Variants in CACNA2D2 observed in about 807,000 individuals in gnomAD.
CACNA2D2 encodes calcium voltage-gated channel auxiliary subunit alpha2delta 2.
A neutral mutation model predicts 166.4 loss-of-function variants in CACNA2D2; 48 were observed. The ratio of observed to expected loss-of-function variants is 0.29; its 90% CI spans 0.23 to 0.37. CACNA2D2 has a LOEUF of 0.37. CACNA2D2 is among the 10% of genes least tolerant of loss of function. CACNA2D2 has a pLI of 1.00. For missense variants in CACNA2D2, 1,122 were observed against 1,433.0 expected, an observed-to-expected ratio of 0.78 and a Z score of 3.50; for synonymous variants, 561 against 573.7, an observed-to-expected ratio of 0.98 and a Z score of 0.32.
chr3:50,466,845 G>A (rs1709846440), intron 2 of CACNA2D2, among the ~76,000 whole-genome samples: 1 of 152,236 alleles, frequency 6.6e-6, no homozygotes, highest in Non-Finnish European at 1.5e-5. Flanking sequence ...GGGCCTGCCA[G>A]AGATTCCTGA....
Position 50,466,269 on chromosome 3 carries a change from C to T in CACNA2D2, c.288+9849G>A, listed in dbSNP as rs112543812. Among the ~76,000 whole-genome samples, 6 of 141,916 alleles carry T rather than the reference C, an allele frequency of 4.2e-5. No individual in the cohort carries two copies. In the South Asian group the frequency reaches 6.4e-4, roughly 15 times the overall value. 93.1% of individuals were successfully genotyped at this position (141,916 alleles called of 152,430 possible). On this transcript the variant is annotated intron_variant, in intron 2 of 37. Coordinates refer to ENST00000424201, the MANE Select transcript of CACNA2D2 (RefSeq NM_006030.4). ...CATGCATGGGGGAAGTGTGTGTGTG[C>T]GCATGTGTGTGTGTGTGTGTGTGTG...
At chr3:50,436,181 G>GTA (rs1329676744) in intron 2 of CACNA2D2, among the ~76,000 whole-genome samples, 2 of 151,542 alleles carry the variant, frequency 1.3e-5, no homozygotes, top group Non-Finnish European at 2.9e-5. Flanking sequence ...ATTCTGGGGT[G>GTA]TGTGGCCATG....
Position 50,364,397 on chromosome 3 carries a change from A to C in CACNA2D2, c.*269T>G, listed in dbSNP as rs1704095193. ...CCAGTGCGTGTGGCCTCCCTGTCCC[A>C]TCCCACTGGGGGGAGCCCAGCAGGC... On this transcript the variant is annotated 3_prime_UTR_variant, in exon 38 of 38. Transcript: ENST00000424201. 3 of 466,072 alleles carry C rather than the reference A, an allele frequency of 6.4e-6. No homozygotes were observed. The highest frequency in any genetic ancestry group is 7.5e-6 in the Non-Finnish European group (2 of 266,064). 28.9% of individuals were successfully genotyped at this position (466,072 alleles called of 1,614,324 possible).
intron 3 of CACNA2D2, among the ~76,000 whole-genome samples, chr3:50,400,209 G>C (rs189034843): frequency 2.6e-5 from 4 of 152,210 alleles, no homozygotes; most frequent in Non-Finnish European, 5.9e-5. Flanking sequence ...GCTCTGCCAG[G>C]GGGGAGCTGG....
chr3:50,498,515 C>T lies in CACNA2D2; in HGVS notation c.206+4703G>A, dbSNP rs191344906. 1.4e-3 allele frequency among the ~76,000 whole-genome samples: 211 copies of T among 152,326 alleles called. 3 individuals carry two copies. Among genetic ancestry groups the T allele is most frequent in the Admixed American group, 0.014 (209 of 15,308 alleles). On this transcript the variant is annotated intron_variant, in intron 1 of 37. Transcript: ENST00000424201. ...AAGCCCCTCCTCTCCTCCACCCCTC[C>T]ACACAGAGCAGGCCTGGCCCATAAC...
intron 22 of CACNA2D2, 23 bp downstream of exon 22, chr3:50,374,696 GAGGCAGGGTGCAGGGCGC>G (rs1704876456): frequency 1.9e-6 from 3 of 1,562,246 alleles, no homozygotes; most frequent in Non-Finnish European, 2.6e-6. Context: ...GTGCGGGGCA[GAGGCAGGGTGCAGGGCGC>G]AGGCAGGGGC....
chr3:50,487,153 T>C (rs1698321312), intron 1 of CACNA2D2, among the ~76,000 whole-genome samples: 4 of 152,042 alleles, frequency 2.6e-5, no homozygotes. Context: ...AACTCAGCCA[T>C]GGCCCTGTCC....
intron 2 of CACNA2D2, among the ~76,000 whole-genome samples, chr3:50,447,144 C>T (rs566060445): frequency 7.2e-5 from 11 of 152,268 alleles, no homozygotes; most frequent in East Asian, 1.9e-4. Context: ...GGAGAGCTTC[C>T]GGGGGAGGGG....
intron 1 of CACNA2D2, among the ~76,000 whole-genome samples, chr3:50,499,414 C>T (rs1334942703): frequency 4.6e-5 from 7 of 152,212 alleles, no homozygotes; most frequent in Non-Finnish European, 7.3e-5. Context: ...TGGCACCTGA[C>T]GGAGCCCTCC....
Position 50,366,384 on chromosome 3 carries a change from CG to C in CACNA2D2, c.2638-47del, listed in dbSNP as rs1559873744. 3.1e-6 allele frequency: 5 copies of C among 1,594,158 alleles called. No individual in the cohort carries two copies. Among genetic ancestry groups the C allele is most frequent in the Non-Finnish European group, 4.3e-6 (5 of 1,162,128 alleles). Reference sequence around the variant, plus strand: ...AGGAAAATGGAGAGGGGCTGGGCCCCGGACCTTCCACCGCAGGCAGTCCAGT... The same window carrying C: ...AGGAAAATGGAGAGGGGCTGGGCCCCGACCTTCCACCGCAGGCAGTCCAGT... On this transcript the variant is annotated intron_variant, in intron 30 of 37. Transcript: ENST00000424201. The surrounding 1 kb of genome is among the most constrained non-coding windows in gnomAD (Gnocchi z 5.9).
At chr3:50,467,063 T>C (rs1709856286) in intron 2 of CACNA2D2, among the ~76,000 whole-genome samples, 1 of 151,974 alleles carries the variant, frequency 6.6e-6, no homozygotes, top group African/African-American at 2.4e-5. Context: ...AGTGGTCTAG[T>C]GAGAGTGAAG....
intron 1 of CACNA2D2, among the ~76,000 whole-genome samples, chr3:50,491,280 G>C (rs958692335): frequency 3.9e-5 from 6 of 152,222 alleles, no homozygotes; most frequent in South Asian, 2.1e-4. Flanking sequence ...TTCTATGGAG[G>C]GTGCTGAGAA....
intron 1 of CACNA2D2, among the ~76,000 whole-genome samples, chr3:50,493,619 C>A (rs1698605625): frequency 6.6e-6 from 1 of 152,234 alleles, no homozygotes; most frequent in South Asian, 2.1e-4. Flanking sequence ...ATAAAGGGCC[C>A]ACCATGAGGA....
intron 2 of CACNA2D2, among the ~76,000 whole-genome samples, chr3:50,451,992 T>G (rs1237895584): frequency 6.6e-6 from 1 of 152,308 alleles, no homozygotes; most frequent in South Asian, 2.1e-4. Context: ...GATGCTGGGC[T>G]GCATCACCCA....
In CACNA2D2 at chr3:50,364,873, GC is replaced by G. The variant is rs751080026; in HGVS notation, c.3291+14del. 6.2e-7 allele frequency: 1 copy of G among 1,613,304 alleles called. No individual in the cohort carries two copies. The highest frequency in any genetic ancestry group is 8.5e-7 in the Non-Finnish European group (1 of 1,179,890). Reference sequence around the variant, plus strand: ...AAGGCCGCGGGATTTCGGGTCCACCGCCCCCTCTCCTCACTGTCGCGTTGTA... The same window carrying G: ...AAGGCCGCGGGATTTCGGGTCCACCGCCCCTCTCCTCACTGTCGCGTTGTA... On this transcript the variant is annotated intron_variant, in intron 37 of 37. Coordinates refer to ENST00000424201, the MANE Select transcript of CACNA2D2 (RefSeq NM_006030.4).
At chr3:50,475,901 C>T (rs1369761924) in intron 2 of CACNA2D2, among the ~76,000 whole-genome samples, 5 of 152,170 alleles carry the variant, frequency 3.3e-5, no homozygotes, top group African/African-American at 7.2e-5. Context: ...TCGTCCAAGC[C>T]GGGTGGTGGC....
upstream of CACNA2D2, chr3:50,503,640 C>G (rs1397157730): frequency 8.7e-5 from 14 of 160,182 alleles, no homozygotes; most frequent in East Asian, 2.6e-3. Context: ...GCTCTGAGCG[C>G]CCGGCCCGGG....
intron 2 of CACNA2D2, among the ~76,000 whole-genome samples, chr3:50,452,036 C>A (rs1332397139): frequency 6.6e-6 from 1 of 152,186 alleles, no homozygotes; most frequent in Non-Finnish European, 1.5e-5. Context: ...CTCATCCCCT[C>A]ACTGCCAAGG....
intron 6 of CACNA2D2, among the ~76,000 whole-genome samples, chr3:50,382,932 G>A (rs1334606360): frequency 1.3e-5 from 2 of 152,130 alleles, no homozygotes. Context: ...ACACCCCTGC[G>A]CCCGCCTGGA....
Sources: gnomAD v4.1 joint callset for allele counts (sites outside exome capture counted in the v4.1 genomes callset) on GRCh38, gnomAD v4.1.1 for gene constraint, Gnocchi (gnomAD v3.1) non-coding constraint, MANE v1.5 for transcripts, NCBI Gene and HGNC (gene_info 2026-07-23, HGNC 2026-07-21) for gene names.